The following EPSTI1 variants were observed in gnomAD, a reference collection of about 807,000 sequenced individuals.
The protein encoded by EPSTI1 is epithelial stromal interaction 1, also known as epithelial-stromal interaction protein 1.
In EPSTI1, 66 loss-of-function variants were observed where a neutral mutation model predicts 49.9. That is an observed-to-expected ratio of 1.32 (90% CI 1.08 to 1.62). EPSTI1 has a LOEUF of 1.62. EPSTI1 is among the 40% of genes most tolerant of loss of function. The probability of loss-of-function intolerance (pLI) is 0.00; values close to 1 mark genes in which losing one functional copy is unlikely to be tolerated. For missense variants in EPSTI1, 394 were observed against 365.5 expected, an observed-to-expected ratio of 1.08 and a Z score of -0.64; for synonymous variants, 137 against 130.7, an observed-to-expected ratio of 1.05 and a Z score of -0.33.
intron 6 of EPSTI1, among the ~76,000 whole-genome samples, chr13:42,951,149 TCC>T (rs892952087): frequency 6.7e-6 from 1 of 150,124 alleles, no homozygotes; most frequent in African/African-American, 2.4e-5. Flanking sequence ...AGAGCAAGAC[TCC>T]ATTTCCAAAA....
intron 8 of EPSTI1, among the ~76,000 whole-genome samples, chr13:42,909,042 A>C (rs1267601158): frequency 2.0e-5 from 3 of 152,112 alleles, no homozygotes; most frequent in Admixed American, 6.5e-5. Flanking sequence ...GCAGTGTGCC[A>C]AGATCATGCC....
intron 7 of EPSTI1, among the ~76,000 whole-genome samples, chr13:42,925,086 G>A (rs921839361): frequency 4.6e-5 from 7 of 152,056 alleles, no homozygotes; most frequent in African/African-American, 1.4e-4. Context: ...AAGCCCTGCC[G>A]CTTTCACCTT....
chr13:42,968,780 A>G (rs1425604012), intron 3 of EPSTI1, among the ~76,000 whole-genome samples: 1 of 152,092 alleles, frequency 6.6e-6, no homozygotes, highest in Non-Finnish European at 1.5e-5. Context: ...GACAGGGCAT[A>G]TGCAGCGCCC....
chr13:42,919,636 C>G (rs959025112), intron 7 of EPSTI1, among the ~76,000 whole-genome samples: 1 of 152,088 alleles, frequency 6.6e-6, no homozygotes, highest in Non-Finnish European at 1.5e-5. Context: ...AACGAGAAGA[C>G]TAATGGTTAC....
intron 5 of EPSTI1, among the ~76,000 whole-genome samples, chr13:42,954,440 A>G (rs1440911782): frequency 3.3e-5 from 5 of 152,348 alleles, no homozygotes; most frequent in African/African-American, 4.8e-5. Flanking sequence ...AAATTCTACT[A>G]AAGTATTTGA....
intron 6 of EPSTI1, among the ~76,000 whole-genome samples, chr13:42,947,563 A>AT (rs1279676145): frequency 1.1e-4 from 16 of 152,160 alleles, no homozygotes; most frequent in African/African-American, 2.2e-4. Context: ...ATTTTATATG[A>AT]TTTTTTTTAA....
At chr13:42,891,592 T>C (rs999579364) in intron 10 of EPSTI1, among the ~76,000 whole-genome samples, 1 of 152,254 alleles carries the variant, frequency 6.6e-6, no homozygotes, top group African/African-American at 2.4e-5. Flanking sequence ...TCCTCATTAT[T>C]TCAAATCCAA....
chr13:42,888,118 A>T lies in EPSTI1; in HGVS notation c.*376T>A. 9.0e-7 allele frequency: 1 copy of T among 1,108,262 alleles called. No individual in the cohort carries two copies. 68.7% of individuals were successfully genotyped at this position (1,108,262 alleles called of 1,614,324 possible). ...AGACCCCCAAAGCTTTCAAAACCTG[A>T]TCTGAGAATTAGATAAGAATATGTC... On this transcript the variant is annotated 3_prime_UTR_variant, in exon 11 of 11. Coordinates refer to ENST00000313624, the MANE Select transcript of EPSTI1 (RefSeq NM_033255.5).
At chr13:42,974,956 T>A (rs2039852868) in intron 1 of EPSTI1, among the ~76,000 whole-genome samples, 1 of 152,042 alleles carries the variant, frequency 6.6e-6, no homozygotes, top group Non-Finnish European at 1.5e-5. Flanking sequence ...GTGAAAAACA[T>A]AATTTCAAGC....
intron 8 of EPSTI1, among the ~76,000 whole-genome samples, chr13:42,911,338 T>C (rs2037681052): frequency 6.6e-6 from 1 of 152,084 alleles, no homozygotes; most frequent in Non-Finnish European, 1.5e-5. Flanking sequence ...ATGGGGATAG[T>C]GAAATAAACT....
At chr13:42,908,181 G>A (rs2037552682) in intron 8 of EPSTI1, among the ~76,000 whole-genome samples, 1 of 152,216 alleles carries the variant, frequency 6.6e-6, no homozygotes, top group Non-Finnish European at 1.5e-5. Flanking sequence ...AACTAGGAAA[G>A]TACTAGAAGA....
At chr13:42,956,241 T>A (rs984383831) in intron 5 of EPSTI1, among the ~76,000 whole-genome samples, 11 of 152,308 alleles carry the variant, frequency 7.2e-5, no homozygotes, top group Non-Finnish European at 8.8e-5. Flanking sequence ...GGAATAACAC[T>A]GGGAATGTGG....
intron 9 of EPSTI1, 81 bp downstream of exon 9, chr13:42,900,229 G>T: frequency 1.6e-6 from 2 of 1,222,778 alleles, no homozygotes; most frequent in Non-Finnish European, 1.2e-6. Flanking sequence ...TAATGTTATC[G>T]TAATGCTTTC....
chr13:42,963,163 G>A, intron 5 of EPSTI1, 92 bp downstream of exon 5: 1 of 1,020,724 alleles, frequency 9.8e-7, no homozygotes, highest in Middle Eastern at 2.1e-4. Context: ...GAGAAAGATG[G>A]ATAAATTTTT....
chr13:42,959,644 C>T (rs2039383995), intron 5 of EPSTI1, among the ~76,000 whole-genome samples: 1 of 152,188 alleles, frequency 6.6e-6, no homozygotes, highest in East Asian at 1.9e-4. Context: ...TTCTCAGTGT[C>T]TGCATGAAAC....
chr13:42,928,624 G>A (rs1443924349), intron 6 of EPSTI1, among the ~76,000 whole-genome samples: 4 of 152,136 alleles, frequency 2.6e-5, no homozygotes, highest in Admixed American at 2.0e-4. Context: ...GGTCCTTCCT[G>A]CTCATTCTTA....
chr13:42,980,934 A>C (rs1440829408), intron 1 of EPSTI1, among the ~76,000 whole-genome samples: 1 of 152,222 alleles, frequency 6.6e-6, no homozygotes, highest in East Asian at 1.9e-4. Flanking sequence ...ATTTAATATA[A>C]AGATTTCTTA....
At chr13:42,955,796 C>G (rs531698878) in intron 5 of EPSTI1, among the ~76,000 whole-genome samples, 16 of 146,836 alleles carry the variant, frequency 1.1e-4, no homozygotes, top group African/African-American at 3.3e-4. Flanking sequence ...GAGTGAAACT[C>G]CATCTCAGAA....
intron 6 of EPSTI1, among the ~76,000 whole-genome samples, chr13:42,937,629 C>T (rs780688254): frequency 5.9e-5 from 9 of 152,188 alleles, no homozygotes; most frequent in Non-Finnish European, 1.0e-4. Flanking sequence ...ACTCCTCATC[C>T]GTTGAAGTTT....
Sources: gnomAD v4.1 joint callset for allele counts (sites outside exome capture counted in the v4.1 genomes callset) on GRCh38, gnomAD v4.1.1 for gene constraint, MANE v1.5 for transcripts, NCBI Gene and HGNC (gene_info 2026-07-23, HGNC 2026-07-21) for gene names.